NETO2: variants seen among roughly 807,000 people sequenced by gnomAD.
NETO2 encodes neuropilin and tolloid-like protein 2.
A neutral mutation model predicts 62.5 loss-of-function variants in NETO2; 28 were observed. The ratio of observed to expected loss-of-function variants is 0.45; its 90% confidence interval spans 0.33 to 0.61. The LOEUF (loss-of-function observed/expected upper bound fraction) is 0.61. NETO2 is among the 20% of genes least tolerant of loss of function. The probability of loss-of-function intolerance (pLI) is 0.02; values close to 1 mark genes in which losing one functional copy is unlikely to be tolerated. For missense variants in NETO2, 548 were observed against 643.2 expected, an observed-to-expected ratio of 0.85 and a Z score of 1.60; for synonymous variants, 214 against 219.1, an observed-to-expected ratio of 0.98 and a Z score of 0.21.
At chr16:47,139,758 TAAGA>T (rs1221589467) in intron 1 of NETO2, among the ~76,000 whole-genome samples, 1 of 152,244 alleles carries the variant, frequency 6.6e-6, no homozygotes, top group Non-Finnish European at 1.5e-5. Context: ...ATCACTTTAG[TAAGA>T]AAGAGTAACT....
chr16:47,108,611 T>C (rs555822321), intron 7 of NETO2, among the ~76,000 whole-genome samples: 2 of 152,312 alleles, frequency 1.3e-5, no homozygotes, highest in South Asian at 2.1e-4. Context: ...GCTAGTACTC[T>C]TGACAATGTG....
intron 6 of NETO2, among the ~76,000 whole-genome samples, chr16:47,122,070 A>G (rs1227868633): frequency 6.6e-6 from 1 of 152,178 alleles, no homozygotes; most frequent in Non-Finnish European, 1.5e-5. Flanking sequence ...ATACGCATTA[A>G]ATATAATTTT....
At chr16:47,128,713 C>A in intron 3 of NETO2, 140 bp from the exon 4 acceptor site, 1 of 865,592 alleles carries the variant, frequency 1.2e-6, no homozygotes, top group Non-Finnish European at 1.8e-6. Context: ...CTATACAAGT[C>A]ATGATAAATG....
At chr16:47,085,480 C>T (rs937789543) in intron 8 of NETO2, among the ~76,000 whole-genome samples, 2 of 152,054 alleles carry the variant, frequency 1.3e-5, no homozygotes, top group Middle Eastern at 3.4e-3. Context: ...CTGCCGAGTT[C>T]AAGCAATTCT....
chr16:47,102,885 C>T (rs1347317219), intron 7 of NETO2, among the ~76,000 whole-genome samples: 1 of 151,996 alleles, frequency 6.6e-6, no homozygotes, highest in East Asian at 1.9e-4. Flanking sequence ...AGTATGGAGA[C>T]TCCTCAAGGA....
intron 1 of NETO2, among the ~76,000 whole-genome samples, chr16:47,138,268 C>T (rs990644005): frequency 6.6e-6 from 1 of 152,160 alleles, no homozygotes; most frequent in African/African-American, 2.4e-5. Context: ...GGCATGGTGG[C>T]ACACGCCTGT....
Position 47,109,555 on chromosome 16 carries a change from C to T in NETO2, c.811G>A (p.Val271Met). The part of the protein sequence containing the change: ...NDVMLKTGIG[V>M]IRMWADEGSR... ...CCTTCATCTGCCCACATTCGAATCA[C>T]TCCAATTCCTGTTTTAAGCATTACA... Residue 271 changes from valine (V) to methionine (M), a missense_variant, in exon 7 of 9, where the codon GTG becomes ATG. Coordinates refer to ENST00000562435, the MANE Select transcript of NETO2 (RefSeq NM_018092.5). 6.2e-7 allele frequency: 1 copy of T among 1,614,130 alleles called. No individual in the cohort carries two copies. The highest frequency in any genetic ancestry group is 2.2e-5 in the East Asian group (1 of 44,870).
At chr16:47,137,471 AC>A (rs1342187125) in intron 1 of NETO2, among the ~76,000 whole-genome samples, 1 of 152,132 alleles carries the variant, frequency 6.6e-6, no homozygotes, top group Non-Finnish European at 1.5e-5. Flanking sequence ...ACATGTTTGG[AC>A]CAATATGGAT....
chr16:47,092,499 C>T (rs928868437), intron 7 of NETO2, among the ~76,000 whole-genome samples: 5 of 152,102 alleles, frequency 3.3e-5, no homozygotes, highest in Admixed American at 6.6e-5. Context: ...TGATAGCACA[C>T]GTCGGTTTAG....
chr16:47,107,652 AAAGT>A (rs1167124586), intron 7 of NETO2, among the ~76,000 whole-genome samples: 1 of 152,250 alleles, frequency 6.6e-6, no homozygotes, highest in Non-Finnish European at 1.5e-5. Context: ...GCATTGCCGT[AAAGT>A]AAGAAAATAA....
rs1964521106 is a variant in NETO2 at position 47,143,895 on chromosome 16, G to A, written c.-283C>T. ...GCCGAGGAGTGCGGACGCGCGGCGCGGGACCGGCAGGCAGCTCCGCCCGCG... is the reference window on the plus strand; with the variant it reads ...GCCGAGGAGTGCGGACGCGCGGCGCAGGACCGGCAGGCAGCTCCGCCCGCG... On this transcript the variant is annotated 5_prime_UTR_variant, in exon 1 of 9. Transcript: ENST00000562435. 9.2e-6 allele frequency: 2 copies of A among 217,272 alleles called. No homozygotes were observed. Among genetic ancestry groups the A allele is most frequent in the African/African-American group, 2.3e-5 (1 of 42,912 alleles). The allele number at this position is 217,272 out of a possible 1,614,324, so 13.5% of individuals were successfully genotyped here. A position where few individuals can be genotyped will look rare whatever the true frequency, so the allele number is the denominator to read the frequency against.
At chr16:47,135,526 T>C (rs1336991958) in intron 1 of NETO2, among the ~76,000 whole-genome samples, 2 of 152,206 alleles carry the variant, frequency 1.3e-5, no homozygotes, top group East Asian at 3.8e-4. Context: ...TTACTCCTGG[T>C]TCTAGAGTTG....
At chr16:47,085,294 T>C (rs923867475) in intron 8 of NETO2, among the ~76,000 whole-genome samples, 20 of 152,222 alleles carry the variant, frequency 1.3e-4, no homozygotes, top group African/African-American at 4.3e-4. Context: ...CTAAATTATT[T>C]TGACAATTAA....
chr16:47,122,567 T>C lies in NETO2; in HGVS notation c.654+90A>G, dbSNP rs1964062732. The C allele has an allele frequency of 4.1e-6, 6 of 1,457,386 alleles. No individual in the cohort carries two copies. In the East Asian group the frequency reaches 1.4e-4, roughly 33 times the overall value. The allele number at this position is 1,457,386 out of a possible 1,614,324, so 90.3% of individuals were successfully genotyped here. ...TTGCAGTATCAGTTTATGTAGTCAA[T>C]AAATATTTACACAAACCAAAATTAC... On this transcript the variant is annotated intron_variant, in intron 6 of 8. Transcript: ENST00000562435.
chr16:47,129,765 G>C (rs1477014275), intron 2 of NETO2, among the ~76,000 whole-genome samples: 1 of 152,196 alleles, frequency 6.6e-6, no homozygotes, highest in East Asian at 1.9e-4. Flanking sequence ...AAAGGTTAGA[G>C]GGATTTTAGT....
Position 47,122,948 on chromosome 16 carries a change from A to C in NETO2, c.482-36T>G, listed in dbSNP as rs1180094275. On this transcript the variant is annotated intron_variant, in intron 4 of 8. Coordinates refer to ENST00000562435, the MANE Select transcript of NETO2 (RefSeq NM_018092.5). ...AAAAAGAAGAAAGTCATTGGTACTG[A>C]GATAGTTACTTTAATCCTCGATGTC... The C allele has an allele frequency of 3.1e-6, 5 of 1,588,162 alleles. No individual in the cohort carries two copies. The Admixed American group carries it at 5.1e-5, about 16-fold the overall frequency.
intron 7 of NETO2, among the ~76,000 whole-genome samples, chr16:47,102,784 A>G (rs1464349056): frequency 6.6e-6 from 1 of 152,226 alleles, no homozygotes; most frequent in Non-Finnish European, 1.5e-5. Context: ...CTAAAAAGTC[A>G]GAAAACAACA....
intron 7 of NETO2, among the ~76,000 whole-genome samples, chr16:47,098,827 T>C (rs1963485347): frequency 1.3e-5 from 2 of 152,110 alleles, no homozygotes; most frequent in African/African-American, 4.8e-5. Context: ...AACAGCGATC[T>C]CTCTGCAGAA....
intron 7 of NETO2, among the ~76,000 whole-genome samples, chr16:47,097,292 G>T (rs1963446191): frequency 6.6e-6 from 1 of 152,242 alleles, no homozygotes; most frequent in Non-Finnish European, 1.5e-5. Context: ...CTCACTGCCA[G>T]CACAGCAGTC....
Sources: gnomAD v4.1 joint callset for allele counts (sites outside exome capture counted in the v4.1 genomes callset) on GRCh38, gnomAD v4.1.1 for gene constraint, MANE v1.5 for transcripts, NCBI Gene and HGNC (gene_info 2026-07-23, HGNC 2026-07-21) for gene names.